Variants in CFAP70 observed in about 807,000 individuals in gnomAD.
CFAP70 encodes the protein cilia- and flagella-associated protein 70.
In CFAP70, 81 loss-of-function variants were observed where a neutral mutation model predicts 137.6. The observed-to-expected ratio is 0.59, with a 90% confidence interval of 0.49 to 0.71. The LOEUF (loss-of-function observed/expected upper bound fraction) is 0.71. Among genes scored for constraint, CFAP70 ranks in the 30% least tolerant of loss-of-function variants. The pLI is 0.00. For missense variants in CFAP70, 976 were observed against 1,226.7 expected, an observed-to-expected ratio of 0.80 and a Z score of 3.05; for synonymous variants, 382 against 423.6, an observed-to-expected ratio of 0.90 and a Z score of 1.20.
chr10:73,327,406 C>A (rs1370834622), intron 8 of CFAP70, among the ~76,000 whole-genome samples: 1 of 149,294 alleles, frequency 6.7e-6, no homozygotes. Context: ...AAACTGGAAG[C>A]CTTCCCTTTG....
chr10:73,362,405 A>G (rs1426384154), upstream of CFAP70, among the ~76,000 whole-genome samples: 3 of 152,212 alleles, frequency 2.0e-5, no homozygotes, highest in South Asian at 4.1e-4. Context: ...AATAATGTTA[A>G]TTATTCTAAT....
intron 19 of CFAP70, among the ~76,000 whole-genome samples, chr10:73,282,409 A>G (rs2047326932): frequency 6.6e-6 from 1 of 152,136 alleles, no homozygotes; most frequent in Admixed American, 6.5e-5. Context: ...TCATAGTCCC[A>G]GGCGGGCCAC....
intron 5 of CFAP70, among the ~76,000 whole-genome samples, chr10:73,342,515 C>T (rs1019760714): frequency 6.6e-6 from 1 of 151,812 alleles, no homozygotes. Flanking sequence ...TGCACTCCAG[C>T]CTAGGTGATG....
intron 4 of CFAP70, chr10:73,345,215 CACTAAT>C: frequency 6.2e-7 from 1 of 1,614,066 alleles, no homozygotes. Context: ...AAGGCTCTGC[CACTAAT>C]ACTTTAACTT....
At chr10:73,357,023 G>A (rs1589622826) in intron 1 of CFAP70, among the ~76,000 whole-genome samples, 2 of 152,194 alleles carry the variant, frequency 1.3e-5, no homozygotes, top group South Asian at 4.1e-4. Flanking sequence ...ACTAGACCAG[G>A]AGTCATAATC....
chr10:73,316,487 GATATATATATATATAT>G (rs551707557), intron 9 of CFAP70, among the ~76,000 whole-genome samples: 1 of 100,946 alleles, frequency 9.9e-6, no homozygotes, highest in African/African-American at 4.5e-5. Context: ...TATAGATATA[GATATATATATATATAT>G]ATATATATAT....
At chr10:73,335,913 G>A (rs1325858539) in intron 6 of CFAP70, among the ~76,000 whole-genome samples, 1 of 151,118 alleles carries the variant, frequency 6.6e-6, no homozygotes, top group Non-Finnish European at 1.5e-5. Flanking sequence ...GGCCAAGGCA[G>A]GAGTACTGCT....
At chr10:73,338,936 T>C (rs924909078) in intron 6 of CFAP70, among the ~76,000 whole-genome samples, 1 of 151,534 alleles carries the variant, frequency 6.6e-6, no homozygotes, top group African/African-American at 2.4e-5. Flanking sequence ...TTTTTTTTTT[T>C]TGAGACACGG....
At chr10:73,336,580 CT>C (rs58611619) in intron 6 of CFAP70, among the ~76,000 whole-genome samples, 8,969 of 124,134 alleles carry the variant, frequency 0.072, 170 homozygotes, top group East Asian at 0.22. Flanking sequence ...TACTATTTTC[CT>C]TTTTTTTTTT....
At chr10:73,314,966 C>A (rs1346946138) in intron 9 of CFAP70, among the ~76,000 whole-genome samples, 1 of 151,360 alleles carries the variant, frequency 6.6e-6, no homozygotes, top group East Asian at 2.0e-4. Context: ...GTAATCCCAG[C>A]ACTTTGGGAG....
exon 24 of CFAP70, chr10:73,272,941 A>G (rs1462639659): frequency 1.3e-6 from 2 of 1,552,406 alleles, no homozygotes; most frequent in African/African-American, 2.7e-5. Flanking sequence ...ATAGCAGGCG[A>G]TTCCCAGTCC....
At chr10:73,280,964 T>C (rs556858590) in intron 19 of CFAP70, among the ~76,000 whole-genome samples, 3 of 152,316 alleles carry the variant, frequency 2.0e-5, no homozygotes, top group African/African-American at 7.2e-5. Context: ...TTGATTTTCT[T>C]GTTCTAGCTT....
intron 12 of CFAP70, among the ~76,000 whole-genome samples, chr10:73,308,139 A>C (rs2049555236): frequency 6.6e-6 from 1 of 151,886 alleles, no homozygotes; most frequent in Non-Finnish European, 1.5e-5. Flanking sequence ...TGGGTGACAG[A>C]GCGAGACTCT....
intron 25 of CFAP70, among the ~76,000 whole-genome samples, chr10:73,261,448 G>A (rs77001688): frequency 6.6e-6 from 1 of 152,220 alleles, no homozygotes; most frequent in Non-Finnish European, 1.5e-5. Flanking sequence ...CATGGTGGAA[G>A]GCAAAGAGGA....
At chr10:73,312,161 C>T (rs1428631347) in intron 10 of CFAP70, among the ~76,000 whole-genome samples, 1 of 151,980 alleles carries the variant, frequency 6.6e-6, no homozygotes, top group Non-Finnish European at 1.5e-5. Flanking sequence ...AACACATGGA[C>T]ACAGGGAGGG....
intron 19 of CFAP70, among the ~76,000 whole-genome samples, chr10:73,280,911 T>C (rs2047209399): frequency 6.6e-6 from 1 of 152,154 alleles, no homozygotes; most frequent in Non-Finnish European, 1.5e-5. Context: ...TGATTTCTAT[T>C]CTGGGCTATT....
At chr10:73,284,790 ATATATATATATAT>A (rs1564783930) in intron 19 of CFAP70, among the ~76,000 whole-genome samples, 6 of 70,870 alleles carry the variant, frequency 8.5e-5, no homozygotes, top group African/African-American at 3.4e-4. Context: ...ATATATATAT[ATATATATATATAT>A]AAAAGTTGTT....
chr10:73,325,982 T>C (rs367984240), intron 8 of CFAP70, among the ~76,000 whole-genome samples: 8 of 151,962 alleles, frequency 5.3e-5, no homozygotes, highest in African/African-American at 1.9e-4. Flanking sequence ...CTGCACCAAG[T>C]AGACCTAATA....
chr10:73,291,838 T>C (rs760865626), intron 17 of CFAP70, 43 bp downstream of exon 18: 13 of 1,613,622 alleles, frequency 8.1e-6, no homozygotes, highest in South Asian at 1.1e-5. Flanking sequence ...TAGAAACTTA[T>C]CTGTTCCTTC....
Sources: gnomAD v4.1 joint callset for allele counts (sites outside exome capture counted in the v4.1 genomes callset) on GRCh38, gnomAD v4.1.1 for gene constraint, MANE v1.5 for transcripts, NCBI Gene and HGNC (gene_info 2026-07-23, HGNC 2026-07-21) for gene names.